The following AIPL1 variants were observed in gnomAD, a reference collection of about 807,000 sequenced individuals.
AIPL1 encodes aryl-hydrocarbon-interacting protein-like 1.
A neutral mutation model predicts 32.9 loss-of-function variants in AIPL1; 23 were observed. The observed-to-expected ratio is 0.70, with a 90% CI of 0.50 to 0.99. The LOEUF (loss-of-function observed/expected upper bound fraction) is 0.99, where lower values mean the gene tolerates loss of function less well. AIPL1 is among the 50% of genes least tolerant of loss of function. AIPL1 has a pLI of 0.00. For missense variants in AIPL1, 485 were observed against 506.0 expected (o/e 0.96, Z 0.40); for synonymous variants, 210 against 209.4 (o/e 1.00, Z -0.02).
At chr17:6,434,812 G>T in intron 1 of AIPL1, 197 bp downstream of exon 1, 1 of 939,760 alleles carries the variant, frequency 1.1e-6, no homozygotes, top group Non-Finnish European at 1.5e-6. Context: ...CTCAGCCCAT[G>T]CTAAAGTTGA....
chr17:6,428,284 C>T (rs1384857909), intron 3 of AIPL1, 34 bp downstream of exon 3: 1 of 1,601,370 alleles, frequency 6.2e-7, no homozygotes, highest in Non-Finnish European at 8.5e-7. Context: ...CCAGTGCTGG[C>T]ACAGCCCTCC....
At chr17:6,429,816 GTAGGTAGGTAGA>G (rs61602660) in intron 2 of AIPL1, among the ~76,000 whole-genome samples, 54,742 of 142,882 alleles carry the variant, frequency 0.38, 11,019 homozygotes, top group Middle Eastern at 0.56. Context: ...AGGTAGGTAG[GTAGGTAGGTAGA>G]TAGATAGATA....
intron 2 of AIPL1, among the ~76,000 whole-genome samples, chr17:6,431,675 A>C (rs1912619527): frequency 6.6e-6 from 1 of 152,202 alleles, no homozygotes; most frequent in East Asian, 1.9e-4. Context: ...AATTGTCCCC[A>C]AAATGCTCAT....
intron 2 of AIPL1, among the ~76,000 whole-genome samples, chr17:6,430,111 G>A (rs1229068953): frequency 2.6e-5 from 4 of 150,956 alleles, no homozygotes; most frequent in African/African-American, 4.9e-5. Context: ...ACACAATCAC[G>A]GCAGCCATGG....
chr17:6,425,693 G>A lies in AIPL1; in HGVS notation c.922C>T (p.Leu308=). The A allele has an allele frequency of 6.2e-7, 1 of 1,608,908 alleles. No homozygotes were observed. The highest frequency in any genetic ancestry group is 8.5e-7 in the Non-Finnish European group (1 of 1,179,988). Residue 308 remains leucine (L), a synonymous_variant, in exon 6 of 6, where the codon CTG becomes TTG. Transcript: ENST00000381129. ...TGCTTCTCCGCCATGCGGTTCTCCA[G>A]CAGCCTCAGCTCCCTGCGCACCGCC... is the stretch of plus-strand genomic sequence containing the variant. ...QKAVRRELRL[L]ENRMAEKQEE... is the part of the protein sequence containing the mutation.
rs1198423967 is a variant in AIPL1, at chr17:6,427,013, G to A, written c.510C>T (p.Ser170=). The A allele has an allele frequency of 6.2e-7, 1 of 1,614,178 alleles. No individual in the cohort carries two copies. Among genetic ancestry groups the A allele is most frequent in the Admixed American group, 1.7e-5 (1 of 60,024 alleles). Residue 170 remains serine (S), a synonymous_variant, in exon 4 of 6, where the codon AGC becomes AGT. Transcript: ENST00000381129. ...GCACCGCCTTCATCTTCTCATGATT[G>A]CTCAGGTTCCAGGTCTCCCTCTGGT... The part of the protein sequence containing the change: ...SDYQRETWNL[S]NHEKMKAVPV...
At chr17:6,434,968 G>T (rs1422824212) in intron 1 of AIPL1, 41 bp downstream of exon 1, 12 of 1,613,726 alleles carry the variant, frequency 7.4e-6, no homozygotes, top group Middle Eastern at 1.7e-4. Context: ...GTTGAAAGCT[G>T]CTGTGGGGGA....
rs1911703660 is a variant in AIPL1, at chr17:6,424,337, A to G, written c.*1123T>C. The G allele has an allele frequency of 6.6e-6, 1 of 152,256 alleles. No individual in the cohort carries two copies. The allele number at this position is 152,256 out of a possible 1,614,324, so 9.4% of individuals were successfully genotyped here. ...CGTGGCAAAGACCCCAGGACCCAGAAGTTACTACTCCTTCCCTAGAAATCT... is the reference window on the plus strand; with the variant it reads ...CGTGGCAAAGACCCCAGGACCCAGAGGTTACTACTCCTTCCCTAGAAATCT... On this transcript the variant is annotated 3_prime_UTR_variant, in exon 6 of 6. Transcript: ENST00000381129.
chr17:6,426,588 A>T (rs2150676635), intron 5 of AIPL1, 27 bp downstream of exon 5: 1 of 1,610,042 alleles, frequency 6.2e-7, no homozygotes, highest in East Asian at 2.2e-5. Context: ...GCGCCCCCTC[A>T]CTGTCCGCCC....
intron 1 of AIPL1, 62 bp from the exon 2 acceptor site, chr17:6,434,160 C>G: frequency 1.3e-6 from 2 of 1,568,970 alleles, no homozygotes; most frequent in Non-Finnish European, 1.7e-6. Flanking sequence ...CAGAAGCCAC[C>G]CCCTTGCCAC....
Position 6,424,256 on chromosome 17 carries a change from G to C in AIPL1, c.*1204C>G, listed in dbSNP as rs1911698029. 1 of 152,276 alleles carries C rather than the reference G, an allele frequency of 6.6e-6. No homozygotes were observed. Among genetic ancestry groups the C allele is most frequent in the African/African-American group, 2.4e-5 (1 of 41,452 alleles). The allele number at this position is 152,276 out of a possible 1,614,324, so 9.4% of individuals were successfully genotyped here. On this transcript the variant is annotated 3_prime_UTR_variant, in exon 6 of 6. Coordinates refer to ENST00000381129, the MANE Select transcript of AIPL1 (RefSeq NM_014336.5). ...GGCTTTCCCTAAGGCATGACCCCCA[G>C]GGTGCCATGTCAGTTTACCATTGCC...
Position 6,425,100 on chromosome 17 carries a change from G to A in AIPL1, c.*360C>T, listed in dbSNP as rs1911772031. ...ATGGGGAGACAGGGAGGGGTATCAGGCATGAGAAAGGATCAGAGCATCAAA... is the reference window on the plus strand; with the variant it reads ...ATGGGGAGACAGGGAGGGGTATCAGACATGAGAAAGGATCAGAGCATCAAA... On this transcript the variant is annotated 3_prime_UTR_variant, in exon 6 of 6. Coordinates refer to ENST00000381129, the MANE Select transcript of AIPL1 (RefSeq NM_014336.5). 1 of 185,356 alleles carries A rather than the reference G, an allele frequency of 5.4e-6. No individual in the cohort carries two copies. The highest frequency in any genetic ancestry group is 1.1e-5 in the Non-Finnish European group (1 of 89,836). 11.5% of individuals were successfully genotyped at this position (185,356 alleles called of 1,614,324 possible).
At chr17:6,429,824 GTAGATAGA>G (rs772773845) in intron 2 of AIPL1, among the ~76,000 whole-genome samples, 7,687 of 67,402 alleles carry the variant, frequency 0.11, 253 homozygotes, top group Middle Eastern at 0.21. Flanking sequence ...AGGTAGGTAG[GTAGATAGA>G]TAGATAGATA....
Position 6,424,540 on chromosome 17 carries a change from TTTTG to T in AIPL1, c.*916_*919del, listed in dbSNP as rs1307769072. 6.6e-6 allele frequency: 1 copy of T among 152,484 alleles called. No homozygotes were observed. Among genetic ancestry groups the T allele is most frequent in the Non-Finnish European group, 1.5e-5 (1 of 68,298 alleles). The allele number at this position is 152,484 out of a possible 1,614,324, so 9.4% of individuals were successfully genotyped here. A position where few individuals can be genotyped will look rare whatever the true frequency, so the allele number is the denominator to read the frequency against. On this transcript the variant is annotated 3_prime_UTR_variant, in exon 6 of 6. Transcript: ENST00000381129. ...TTGGTTTTGGTTTTGTTTGTTTTTCTTTTGTTTTTTGTTGTTGTTTTTGTTTTGT... is the reference window on the plus strand; with the variant it reads ...TTGGTTTTGGTTTTGTTTGTTTTTCTTTTTTTGTTGTTGTTTTTGTTTTGT...
At chr17:6,427,121 C>T (rs995281888) in intron 3 of AIPL1, 64 bp from the exon 4 acceptor site, 4 of 1,573,316 alleles carry the variant, frequency 2.5e-6, no homozygotes, top group Non-Finnish European at 8.7e-7. Flanking sequence ...ATCAGAGACC[C>T]GAAAAACAGG....
intron 3 of AIPL1, 70 bp downstream of exon 3, chr17:6,428,248 G>A: frequency 1.3e-6 from 2 of 1,554,188 alleles, no homozygotes; most frequent in South Asian, 1.1e-5. Context: ...TGGGGTGGGG[G>A]TGCCCATGAT....
chr17:6,430,476 A>AAAAAC (rs1567641183), intron 2 of AIPL1, among the ~76,000 whole-genome samples: 2 of 151,424 alleles, frequency 1.3e-5, no homozygotes, highest in Non-Finnish European at 2.9e-5. Flanking sequence ...AAAAAAAAAA[A>AAAAAC]AAAACAGTTA....
chr17:6,433,611 T>TCACA (rs541117064), intron 2 of AIPL1, among the ~76,000 whole-genome samples: 26 of 106,296 alleles, frequency 2.4e-4, no homozygotes, highest in Non-Finnish European at 3.2e-4. Flanking sequence ...TCTCTCTCTC[T>TCACA]CACACACACA....
rs188246267 is a variant in AIPL1, at chr17:6,435,121, G to T, written c.-17C>A. The T allele has an allele frequency of 2.7e-4, 439 of 1,614,078 alleles. 3 individuals carry two copies. In the African/African-American group the frequency reaches 4.1e-3, roughly 15 times the overall value. ...GGCATCCATGGCTGCAGGAGAAAGG[G>T]AGGTGTCCAGCACAGGCGGAGATAA... On this transcript the variant is annotated 5_prime_UTR_variant, in exon 1 of 6. Coordinates refer to ENST00000381129, the MANE Select transcript of AIPL1 (RefSeq NM_014336.5).
Sources: gnomAD v4.1 joint callset for allele counts (sites outside exome capture counted in the v4.1 genomes callset) on GRCh38, gnomAD v4.1.1 for gene constraint, MANE v1.5 for transcripts, NCBI Gene and HGNC (gene_info 2026-07-23, HGNC 2026-07-21) for gene names.